DLGAP2: variants seen among roughly 807,000 people sequenced by gnomAD.
DLGAP2 encodes disks large-associated protein 2.
DLGAP2 carries 26 observed loss-of-function variants against 100.3 expected under a neutral mutation model. That is an observed-to-expected ratio of 0.26 (90% CI 0.19 to 0.36). The LOEUF is 0.36. Among genes scored for constraint, DLGAP2 ranks in the 10% least tolerant of loss-of-function variants. DLGAP2 has a pLI of 1.00. For synonymous variants in DLGAP2, 886 were observed against 630.1 expected (o/e 1.41, Z -6.08); for missense variants, 1,858 against 1,453.2 (o/e 1.28, Z -4.53).
intron 2 of DLGAP2, among the ~76,000 whole-genome samples, chr8:1,233,379 A>T (rs1011650209): frequency 2.0e-5 from 3 of 152,128 alleles, no homozygotes; most frequent in African/African-American, 7.2e-5. Context: ...ATAGCAGAAG[A>T]CTCAGCTGTA....
intron 3 of DLGAP2, among the ~76,000 whole-genome samples, chr8:1,267,248 TAAAATAAAATAAAATA>T (rs1799472667): frequency 3.5e-5 from 4 of 114,854 alleles, no homozygotes; most frequent in South Asian, 3.1e-4. Flanking sequence ...AATAAATAAA[TAAAATAAAATAAAATA>T]AAATAAAATA....
chr8:1,105,334 C>T (rs1047921634), intron 2 of DLGAP2, among the ~76,000 whole-genome samples: 1 of 152,200 alleles, frequency 6.6e-6, no homozygotes, highest in Non-Finnish European at 1.5e-5. Flanking sequence ...GTAGGGGTCT[C>T]ATGTTGTGGG....
Position 1,548,980 on chromosome 8 carries a change from G to T in DLGAP2, c.527G>T (p.Cys176Phe), listed in dbSNP as rs374898123. Residue 176 changes from cysteine to phenylalanine, a missense_variant, in exon 5 of 15, where the codon TGC becomes TTC. Physicochemically the swap from Cys to Phe is radical, Grantham distance 205. Transcript: ENST00000637795. ...YSSHYDTRDD[C>F]AVAHAGAKIN... ...TCGCACTACGACACGCGCGACGACT[G>T]CGCTGTGGCCCACGCGGGCGCCAAG... 4.6e-4 allele frequency: 730 copies of T among 1,599,360 alleles called. No individual in the cohort carries two copies. Among genetic ancestry groups the T allele is most frequent in the Non-Finnish European group, 6.0e-4 (711 of 1,179,390 alleles).
chr8:880,589 C>T (rs151086111), intron 1 of DLGAP2, among the ~76,000 whole-genome samples: 11,861 of 134,772 alleles, frequency 0.088, 577 homozygotes, highest in Admixed American at 0.14. Context: ...ATAGGTGGGT[C>T]GGGGTGACCG....
rs533637017 is a variant in DLGAP2 at position 1,274,033 on chromosome 8, A to C, written c.106+15150A>C. On this transcript the variant is annotated intron_variant, in intron 3 of 14. Coordinates refer to ENST00000637795, the MANE Select transcript of DLGAP2 (RefSeq NM_001346810.2). ...ATGAAAGTCTTGTCAATTTAAATAA[A>C]AGCTTTGAGATAAAATCATTAGAAT... Among the ~76,000 whole-genome samples the C allele has an allele frequency of 7.2e-5, 11 of 152,336 alleles. No individual in the cohort carries two copies. The South Asian group carries it at 2.3e-3, about 32-fold the overall frequency.
chr8:1,434,234 C>G (rs1047209651), intron 3 of DLGAP2, among the ~76,000 whole-genome samples: 2 of 152,090 alleles, frequency 1.3e-5, no homozygotes, highest in African/African-American at 4.8e-5. Flanking sequence ...TCAGACTGGC[C>G]CTGAGGAAAT....
At position 786,078 on chromosome 8, in the gene DLGAP2, G is replaced by A. The variant is rs533786413; in HGVS notation, c.18+48253G>A. 7.9e-5 allele frequency among the ~76,000 whole-genome samples: 12 copies of A among 152,328 alleles called. No individual in the cohort carries two copies. In the South Asian group the frequency reaches 2.5e-3, roughly 32 times the overall value. On this transcript the variant is annotated intron_variant, in intron 1 of 14. Transcript: ENST00000637795. Reference sequence around the variant, plus strand: ...CCAGAGCTCGCTGCCCGCCGCCTCCGTAACCGGGACCAAAGCCCCTTTGCG... The same window carrying A: ...CCAGAGCTCGCTGCCCGCCGCCTCCATAACCGGGACCAAAGCCCCTTTGCG...
chr8:1,113,329 C>G (rs1359497195), intron 2 of DLGAP2, among the ~76,000 whole-genome samples: 1 of 152,162 alleles, frequency 6.6e-6, no homozygotes, highest in Non-Finnish European at 1.5e-5. Context: ...TGCTTTCTAT[C>G]CATGAGCCTG....
At chr8:1,124,916 C>T (rs1450015908) in intron 2 of DLGAP2, among the ~76,000 whole-genome samples, 14 of 152,190 alleles carry the variant, frequency 9.2e-5, no homozygotes, top group Admixed American at 9.2e-4. Flanking sequence ...CCTCAGAAGG[C>T]TCTGCCCCTA....
chr8:909,464 CTT>C (rs1214965099), intron 2 of DLGAP2, among the ~76,000 whole-genome samples: 1 of 143,378 alleles, frequency 7.0e-6, no homozygotes, highest in African/African-American at 2.6e-5. Flanking sequence ...TTTTCCTTGT[CTT>C]TTTTTTTTTT....
Position 1,257,298 on chromosome 8 carries a change from A to G in DLGAP2, c.74-1553A>G, listed in dbSNP as rs111397685. 4.4e-4 allele frequency among the ~76,000 whole-genome samples: 67 copies of G among 152,154 alleles called. 1 individual carries two copies. Among genetic ancestry groups the G allele is most frequent in the African/African-American group, 1.5e-3 (63 of 41,530 alleles). ...GCCACCAAGGTCACCTTCCGAAGGA[A>G]CCATGAGAGCCTGTGAGGCTCTGCC... On this transcript the variant is annotated intron_variant, in intron 2 of 14. Coordinates refer to ENST00000637795, the MANE Select transcript of DLGAP2 (RefSeq NM_001346810.2).
chr8:1,442,754 G>A (rs1290244628), intron 3 of DLGAP2, among the ~76,000 whole-genome samples: 1 of 148,566 alleles, frequency 6.7e-6, no homozygotes, highest in Non-Finnish European at 1.5e-5. Flanking sequence ...TTCAGCCACT[G>A]GAGGAGACGG....
chr8:1,534,094 A>G (rs1183225574), intron 4 of DLGAP2, among the ~76,000 whole-genome samples: 3 of 152,240 alleles, frequency 2.0e-5, no homozygotes, highest in Non-Finnish European at 2.9e-5. Flanking sequence ...AGCAGGTTAT[A>G]AATTTGTGTC....
rs575840160 is a variant in DLGAP2 at position 986,397 on chromosome 8, G to T, written c.73+78431G>T. On this transcript the variant is annotated intron_variant, in intron 2 of 14. Coordinates refer to ENST00000637795, the MANE Select transcript of DLGAP2 (RefSeq NM_001346810.2). ...AGGTTTATTACATAGGTATTCATGT[G>T]CCAGGGTGGTTGCAAATTAAACTTT... Among the ~76,000 whole-genome samples the T allele has an allele frequency of 5.9e-5, 9 of 152,296 alleles. No individual in the cohort carries two copies. The South Asian group carries it at 1.9e-3, about 32-fold the overall frequency.
At chr8:1,597,131 C>G (rs1189626831) in intron 6 of DLGAP2, among the ~76,000 whole-genome samples, 2 of 152,096 alleles carry the variant, frequency 1.3e-5, no homozygotes, top group Non-Finnish European at 2.9e-5. Flanking sequence ...AATCCTTTCC[C>G]CATTGTTTGT....
intron 3 of DLGAP2, among the ~76,000 whole-genome samples, chr8:1,330,044 G>C (rs1173006221): frequency 6.6e-6 from 1 of 152,228 alleles, no homozygotes; most frequent in Non-Finnish European, 1.5e-5. Context: ...AAGTGGCTTT[G>C]CTCCATTTCC....
chr8:1,638,968 G>A (rs777374287), intron 8 of DLGAP2, among the ~76,000 whole-genome samples: 6 of 152,230 alleles, frequency 3.9e-5, no homozygotes, highest in Admixed American at 1.3e-4. Flanking sequence ...GGTAAAAGAA[G>A]GGATGGCCAG....
chr8:1,340,266 C>G (rs1801389843), intron 3 of DLGAP2, among the ~76,000 whole-genome samples: 1 of 152,004 alleles, frequency 6.6e-6, no homozygotes, highest in African/African-American at 2.4e-5. Context: ...AGCTTCTGCA[C>G]AACAAAAGAA....
chr8:822,248 C>T, intron 1 of DLGAP2: 3 of 399,404 alleles, frequency 7.5e-6, no homozygotes, highest in African/African-American at 6.2e-5. Context: ...CGGTCCTTAC[C>T]CAGCATTTGC....
Sources: allele counts gnomAD v4.1 joint callset (sites outside exome capture counted in the v4.1 genomes callset), GRCh38; gene constraint gnomAD v4.1.1; transcripts MANE v1.5; gene names NCBI Gene and HGNC (gene_info 2026-07-23, HGNC 2026-07-21).